Variants in RGL1 observed in about 807,000 individuals in gnomAD.
RGL1 encodes the protein ral guanine nucleotide dissociation stimulator like 1, also known as ral guanine nucleotide dissociation stimulator-like 1.
A neutral mutation model predicts 95.2 loss-of-function variants in RGL1; 24 were observed. The observed-to-expected ratio is 0.25, with a 90% CI of 0.18 to 0.35. RGL1 has a LOEUF of 0.35. Among genes scored for constraint, RGL1 ranks in the 10% least tolerant of loss-of-function variants. The pLI, the probability that RGL1 is intolerant of heterozygous loss-of-function variation, is 1.00. For synonymous variants in RGL1, 329 were observed against 344.9 expected (o/e 0.95, Z 0.51); for missense variants, 715 against 936.3 (o/e 0.76, Z 3.08).
rs1007913764 is a variant in RGL1, at chr1:183,753,599, A to G, written c.132+11310A>G. Reference sequence around the variant, plus strand: ...ATAGATACCTGCACAGGAAGGGAACATTGACCTTGGGAAACTTGCCATTTT... The same window carrying G: ...ATAGATACCTGCACAGGAAGGGAACGTTGACCTTGGGAAACTTGCCATTTT... On this transcript the variant is annotated intron_variant, in intron 2 of 18. Transcript: ENST00000304685. Among the ~76,000 whole-genome samples, 8 of 152,216 alleles carry G rather than the reference A, an allele frequency of 5.3e-5. 1 individual carries two copies. In the South Asian group the frequency reaches 1.4e-3, roughly 28 times the overall value.
intron 2 of RGL1, among the ~76,000 whole-genome samples, chr1:183,839,034 T>A (rs1225350429): frequency 4.6e-5 from 7 of 152,142 alleles, no homozygotes; most frequent in African/African-American, 1.4e-4. Context: ...GTGGTGAAGA[T>A]TTCTTCTGGT....
At chr1:183,672,891 T>C (rs1209135353) in intron 1 of RGL1, among the ~76,000 whole-genome samples, 2 of 152,230 alleles carry the variant, frequency 1.3e-5, no homozygotes, top group Non-Finnish European at 2.9e-5. Flanking sequence ...TTCCATTTTC[T>C]TCTTCAACTT....
intron 14 of RGL1, among the ~76,000 whole-genome samples, chr1:183,910,791 A>C (rs1668602093): frequency 6.6e-6 from 1 of 152,122 alleles, no homozygotes; most frequent in Non-Finnish European, 1.5e-5. Context: ...AATGTTTTTC[A>C]AATTATCTTC....
At chr1:183,783,105 T>A (rs967817131) in intron 2 of RGL1, among the ~76,000 whole-genome samples, 1 of 152,154 alleles carries the variant, frequency 6.6e-6, no homozygotes, top group South Asian at 2.1e-4. Flanking sequence ...TGCTGCTTAT[T>A]TGTGGACCCA....
intron 10 of RGL1, among the ~76,000 whole-genome samples, chr1:183,898,966 C>T (rs888848334): frequency 6.6e-5 from 10 of 152,116 alleles, no homozygotes; most frequent in South Asian, 2.1e-4. Context: ...CCATGGGGAC[C>T]GCTTTTTACT....
chr1:183,808,351 A>C (rs150833118), intron 2 of RGL1, among the ~76,000 whole-genome samples: 2 of 152,196 alleles, frequency 1.3e-5, no homozygotes, highest in Non-Finnish European at 2.9e-5. Context: ...ATAATGTGAA[A>C]AGATTGGCTC....
intron 2 of RGL1, among the ~76,000 whole-genome samples, chr1:183,841,981 T>C (rs1308260232): frequency 6.6e-6 from 1 of 152,206 alleles, no homozygotes; most frequent in Non-Finnish European, 1.5e-5. Flanking sequence ...TCCAAACCAC[T>C]TTCAGTCCCA....
At chr1:183,843,581 G>A (rs2102524901) in intron 2 of RGL1, among the ~76,000 whole-genome samples, 1 of 152,144 alleles carries the variant, frequency 6.6e-6, no homozygotes, top group South Asian at 2.1e-4. Flanking sequence ...GTCAATACTC[G>A]GTGAAAAAAT....
intron 1 of RGL1, among the ~76,000 whole-genome samples, chr1:183,655,106 G>A (rs767457928): frequency 3.6e-4 from 55 of 152,304 alleles, no homozygotes; most frequent in Admixed American, 2.7e-3. Flanking sequence ...GATGAGTTAT[G>A]ATGTATATTA....
chr1:183,902,329 A>C (rs755497064), intron 11 of RGL1, among the ~76,000 whole-genome samples: 2 of 152,178 alleles, frequency 1.3e-5, no homozygotes, highest in Non-Finnish European at 2.9e-5. Flanking sequence ...ATTTATCATT[A>C]CTATTTTAGT....
chr1:183,641,455 G>C (rs1649918035), intron 1 of RGL1, among the ~76,000 whole-genome samples: 1 of 152,112 alleles, frequency 6.6e-6, no homozygotes, highest in South Asian at 2.1e-4. Context: ...TTGTTTTGTA[G>C]ATACAGTGTC....
intron 2 of RGL1, among the ~76,000 whole-genome samples, chr1:183,753,413 A>T (rs1658145482): frequency 1.3e-5 from 2 of 152,110 alleles, no homozygotes; most frequent in South Asian, 4.1e-4. Flanking sequence ...AGGCTATGAG[A>T]TTTTAATTTT....
At chr1:183,735,279 C>T (rs1656872294) in intron 1 of RGL1, among the ~76,000 whole-genome samples, 1 of 152,176 alleles carries the variant, frequency 6.6e-6, no homozygotes, top group Non-Finnish European at 1.5e-5. Flanking sequence ...CAACCTTGCT[C>T]AGCATTTGGA....
chr1:183,679,394 C>G (rs572818825), intron 1 of RGL1, among the ~76,000 whole-genome samples: 152 of 151,088 alleles, frequency 1.0e-3, no homozygotes, highest in African/African-American at 3.5e-3. Context: ...CCTTGCCCCC[C>G]ACCCCCGACA....
intron 4 of RGL1, among the ~76,000 whole-genome samples, chr1:183,866,894 G>A (rs1021152000): frequency 1.1e-4 from 17 of 152,170 alleles, no homozygotes; most frequent in Non-Finnish European, 5.9e-5. Flanking sequence ...AGCAATAGCA[G>A]TGAAGGTGAC....
At chr1:183,862,050 G>A (rs12116846) in intron 3 of RGL1, among the ~76,000 whole-genome samples, 11,645 of 152,178 alleles carry the variant, frequency 0.077, 613 homozygotes, top group Middle Eastern at 0.23. Context: ...GATAAGAAAG[G>A]TGCAGGGATG....
intron 1 of RGL1, among the ~76,000 whole-genome samples, chr1:183,688,504 G>A (rs773534105): frequency 2.0e-5 from 3 of 152,028 alleles, no homozygotes; most frequent in Admixed American, 1.3e-4. Context: ...GTCTTTAAAA[G>A]CAATTACAGG....
chr1:183,894,311 T>C (rs2102678916), intron 9 of RGL1, among the ~76,000 whole-genome samples: 1 of 152,312 alleles, frequency 6.6e-6, no homozygotes, highest in African/African-American at 2.4e-5. Context: ...ATCTAGACAT[T>C]AAAGATCCCA....
intron 2 of RGL1, among the ~76,000 whole-genome samples, chr1:183,769,257 T>C (rs550244253): frequency 6.6e-6 from 1 of 152,356 alleles, no homozygotes; most frequent in African/African-American, 2.4e-5. Context: ...CCAACAACAT[T>C]AAATTAGTCT....
Sources: allele counts gnomAD v4.1 joint callset (sites outside exome capture counted in the v4.1 genomes callset), GRCh38; gene constraint gnomAD v4.1.1; transcripts MANE v1.5; gene names NCBI Gene and HGNC (gene_info 2026-07-23, HGNC 2026-07-21).